The following SEC31A variants were observed in gnomAD, a reference collection of about 807,000 sequenced individuals.
SEC31A encodes the protein SEC31 homolog A, COPII component, also known as protein transport protein Sec31A.
SEC31A carries 70 observed loss-of-function variants against 151.0 expected under a neutral mutation model. The ratio of observed to expected loss-of-function variants is 0.46; its 90% CI spans 0.38 to 0.57. The LOEUF is 0.57. Among genes scored for constraint, SEC31A ranks in the 20% least tolerant of loss-of-function variants. The pLI is 0.00. For synonymous variants in SEC31A, 475 were observed against 505.9 expected (o/e 0.94, Z 0.82); for missense variants, 1,330 against 1,471.2 (o/e 0.90, Z 1.57).
chr4:82,856,454 T>TA (rs1323553427), intron 16 of SEC31A, among the ~76,000 whole-genome samples: 3 of 150,976 alleles, frequency 2.0e-5, no homozygotes, highest in Non-Finnish European at 4.4e-5. Context: ...CAGCCGCAAT[T>TA]AAAAAATTTA....
At chr4:82,851,389 TCAC>T (rs1158777617) in intron 19 of SEC31A, 39 bp downstream of exon 19, 3 of 1,525,222 alleles carry the variant, frequency 2.0e-6, no homozygotes, top group African/African-American at 2.7e-5. Flanking sequence ...TCTACTGGAC[TCAC>T]CTTACTCAAA....
intron 8 of SEC31A, 87 bp from the exon 9 acceptor site, chr4:82,867,403 G>T: frequency 1.8e-6 from 2 of 1,102,800 alleles, no homozygotes; most frequent in Non-Finnish European, 1.3e-6. Flanking sequence ...TGGTCAACAA[G>T]TATAGTTAAA....
chr4:82,866,849 G>C lies in SEC31A; in HGVS notation c.1156C>G (p.Pro386Ala), dbSNP rs756530151. Residue 386 changes from proline to alanine, a missense_variant, in exon 10 of 27, where the codon CCG becomes GCG. Transcript: ENST00000395310. ...QHSIVLPLKK[P>A]PKWIRRPVGA... ...ACAGGCCTTCGAATCCACTTGGGCG[G>C]CTTCTTCAGAGGCAGCACTATACTA... 1.2e-6 allele frequency: 2 copies of C among 1,612,434 alleles called. No homozygotes were observed. Among genetic ancestry groups the C allele is most frequent in the Non-Finnish European group, 1.7e-6 (2 of 1,179,560 alleles).
chr4:82,827,862 T>C (rs758161855), intron 23 of SEC31A, among the ~76,000 whole-genome samples: 3 of 151,340 alleles, frequency 2.0e-5, no homozygotes, highest in Non-Finnish European at 2.9e-5. Context: ...CTGGACTTCT[T>C]TGTCTCCCTT....
At chr4:82,888,372 A>AAAAC (rs1741339929) in intron 1 of SEC31A, among the ~76,000 whole-genome samples, 1 of 42,956 alleles carries the variant, frequency 2.3e-5, no homozygotes, top group Non-Finnish European at 5.7e-5. Context: ...AAAAAAAAAA[A>AAAAC]ACACACAAAA....
At chr4:82,881,251 G>A (rs890222912) in intron 2 of SEC31A, among the ~76,000 whole-genome samples, 12 of 152,124 alleles carry the variant, frequency 7.9e-5, no homozygotes, top group African/African-American at 2.9e-4. Flanking sequence ...GGATCATGAG[G>A]TCAGGAGATC....
intron 25 of SEC31A, among the ~76,000 whole-genome samples, chr4:82,822,926 T>C (rs571572614): frequency 1.3e-5 from 2 of 152,100 alleles, no homozygotes; most frequent in African/African-American, 4.8e-5. Context: ...TGAGCCGAGA[T>C]TGCACCATTG....
At chr4:82,856,894 T>C in intron 16 of SEC31A, 58 bp downstream of exon 16, 13 of 1,365,898 alleles carry the variant, frequency 9.5e-6, no homozygotes, top group Middle Eastern at 3.8e-4. Flanking sequence ...AATAACAGTG[T>C]ATTGTTTTTA....
intron 4 of SEC31A, among the ~76,000 whole-genome samples, chr4:82,877,058 A>G (rs542003649): frequency 2.0e-5 from 3 of 151,856 alleles, no homozygotes; most frequent in Non-Finnish European, 2.9e-5. Context: ...ACCAACACGA[A>G]AAAACCCTGT....
chr4:82,845,351 A>C, intron 20 of SEC31A: 1 of 1,027,506 alleles, frequency 9.7e-7, no homozygotes, highest in South Asian at 2.1e-5. Context: ...CGTTAAAAGA[A>C]GAAAAAAACC....
intron 3 of SEC31A, among the ~76,000 whole-genome samples, chr4:82,896,425 C>T (rs549559989): frequency 2.6e-4 from 40 of 152,026 alleles, no homozygotes; most frequent in Admixed American, 4.6e-4. Context: ...GCCATGTTGG[C>T]CAGGCTGGTC....
chr4:82,854,527 C>G (rs1732198242), intron 17 of SEC31A, among the ~76,000 whole-genome samples: 1 of 151,848 alleles, frequency 6.6e-6, no homozygotes. Flanking sequence ...ATGGTAATTT[C>G]TATTCTAATG....
chr4:82,869,384 C>G (rs2149585357), intron 8 of SEC31A, among the ~76,000 whole-genome samples: 1 of 152,010 alleles, frequency 6.6e-6, no homozygotes, highest in East Asian at 1.9e-4. Flanking sequence ...CCCGCCTCAG[C>G]CTCCCAAAGT....
At chr4:82,825,538 G>GA (rs1489398687) in intron 24 of SEC31A, among the ~76,000 whole-genome samples, 1 of 152,196 alleles carries the variant, frequency 6.6e-6, no homozygotes, top group African/African-American at 2.4e-5. Flanking sequence ...CATTCCAGAC[G>GA]AAAGGAATAA....
Position 82,864,396 on chromosome 4 carries a change from G to T in SEC31A, c.1400C>A (p.Thr467Asn). 6.2e-7 allele frequency: 1 copy of T among 1,613,872 alleles called. No individual in the cohort carries two copies. Among genetic ancestry groups the T allele is most frequent in the Middle Eastern group, 1.6e-4 (1 of 6,062 alleles). The change falls in exon 11 of 27, where the codon ACT becomes AAT. Residue 467 changes from threonine to asparagine, a missense_variant. Physicochemically the swap from Thr to Asn is moderately conservative, Grantham distance 65. Coordinates refer to ENST00000395310, the MANE Select transcript of SEC31A (RefSeq NM_001077207.4). ...YCQKKIDASQ[T>N]EFEKNVWSFL... Reference sequence around the variant, plus strand: ...GGACCACACATTTTTCTCAAATTCAGTCTGAGAAGCATCAATTTTTTTTTG... The same window carrying T: ...GGACCACACATTTTTCTCAAATTCATTCTGAGAAGCATCAATTTTTTTTTG...
chr4:82,885,287 A>C (rs1740425471), intron 1 of SEC31A, among the ~76,000 whole-genome samples: 1 of 152,144 alleles, frequency 6.6e-6, no homozygotes, highest in Non-Finnish European at 1.5e-5. Context: ...TCTTAGTTTT[A>C]CCATATTTTA....
chr4:82,896,540 C>T (rs1031640), intron 3 of SEC31A, among the ~76,000 whole-genome samples: 103,446 of 151,988 alleles, frequency 0.68, 37,543 homozygotes, highest in Non-Finnish European at 0.8. Flanking sequence ...TCTTTCTATA[C>T]ACTATATATA....
chr4:82,897,329 A>G (rs944957431), intron 3 of SEC31A, among the ~76,000 whole-genome samples: 1 of 152,236 alleles, frequency 6.6e-6, no homozygotes, highest in Non-Finnish European at 1.5e-5. Flanking sequence ...ATGATATAAC[A>G]ATAATTTCAA....
chr4:82,828,865 T>G, intron 23 of SEC31A, 135 bp downstream of exon 23: 1 of 598,960 alleles, frequency 1.7e-6, no homozygotes, highest in Non-Finnish European at 3.0e-6. Context: ...AGAAGGTGCA[T>G]GTTGAAATAC....
Sources: allele counts gnomAD v4.1 joint callset (sites outside exome capture counted in the v4.1 genomes callset), GRCh38; gene constraint gnomAD v4.1.1; transcripts MANE v1.5; gene names NCBI Gene and HGNC (gene_info 2026-07-23, HGNC 2026-07-21).